SSTR3: variants seen among roughly 807,000 people sequenced by gnomAD.
SSTR3 encodes somatostatin receptor type 3.
For synonymous variants in SSTR3, 281 were observed against 269.2 expected (o/e 1.04, Z -0.43); for missense variants, 504 against 604.7 (o/e 0.83, Z 1.75).
chr22:37,207,148 A>G lies in SSTR3; in HGVS notation c.656T>C (p.Leu219Pro), dbSNP rs1400998403. 3.1e-6 allele frequency: 5 copies of G among 1,612,560 alleles called. No homozygotes were observed. Among genetic ancestry groups the G allele is most frequent in the Non-Finnish European group, 3.4e-6 (4 of 1,179,682 alleles). ...YTAALGFFGP[L>P]LVICLCYLLI... is the part of the protein sequence containing the mutation. ...CAGGTAGCAGAGGCAGATGACCAGC[A>G]GCGGCCCGAAGAAGCCCAGTGCGGC... The change falls in exon 2 of 2, where the codon CTG becomes CCG. Residue 219 changes from leucine to proline, a missense_variant. Transcript: ENST00000610913.
In SSTR3 at chr22:37,207,599, CCA is replaced by C. The variant is rs759658964; in HGVS notation, c.203_204del (p.Val68GlyfsTer281). ...GLLGNSLVIY[V>X]VLRHTASPSV... The stretch of plus-strand genomic sequence containing the variant: ...GAAGGGCTGGCCGTGTGCCGCAGGA[CCA>C]CATAGATGACCAGCGAGTTACCCAG... On this transcript the variant is annotated frameshift_variant, in exon 2 of 2. Coordinates refer to ENST00000610913, the MANE Select transcript of SSTR3 (RefSeq NM_001051.5). LOFTEE classifies it low-confidence loss of function (END_TRUNC). The C allele has an allele frequency of 6.2e-7, 1 of 1,609,896 alleles. No homozygotes were observed. Among genetic ancestry groups the C allele is most frequent in the African/African-American group, 1.3e-5 (1 of 75,006 alleles).
At chr22:37,212,512 TG>T (rs1274397566), upstream of SSTR3, among the ~76,000 whole-genome samples, 1 of 5,978 alleles carries the variant, frequency 1.7e-4, no homozygotes, top group Non-Finnish European at 3.2e-4. Flanking sequence ...AGAGCAGGTG[TG>T]GGGGGTGGGG....
the SSTR3 span, among the ~76,000 whole-genome samples, chr22:37,218,344 G>A: frequency 1.3e-5 from 2 of 152,158 alleles, no homozygotes; most frequent in Non-Finnish European, 2.9e-5. Flanking sequence ...ATCACCTGGG[G>A]TGGGAGTTCG....
upstream of SSTR3, among the ~76,000 whole-genome samples, chr22:37,216,776 A>G (rs181885075): frequency 6.3e-5 from 9 of 143,086 alleles, no homozygotes; most frequent in Non-Finnish European, 1.3e-4. Flanking sequence ...CTCTCATTTT[A>G]TGGGGGCCTT....
rs1020260172 is a variant in SSTR3 at position 37,207,207 on chromosome 22, C to T, written c.597G>A (p.Ala199=). The change falls in exon 2 of 2, where the codon GCG becomes GCA. Residue 199 remains alanine (A), a synonymous_variant. Coordinates refer to ENST00000610913, the MANE Select transcript of SSTR3 (RefSeq NM_001051.5). The part of the protein sequence containing the change: ...STCHMQWPEP[A]AAWRAGFIIY... ...TGATGAAGCCGGCTCGCCAGGCCGC[C>T]GCCGGCTCGGGCCACTGCATGTGGC... 1.9e-5 allele frequency: 30 copies of T among 1,610,302 alleles called. No homozygotes were observed. Among genetic ancestry groups the T allele is most frequent in the Non-Finnish European group, 2.4e-5 (28 of 1,178,842 alleles).
intron 1 of SSTR3, among the ~76,000 whole-genome samples, chr22:37,209,704 T>C (rs942577733): frequency 2.6e-5 from 4 of 152,200 alleles, no homozygotes; most frequent in Admixed American, 1.3e-4. Flanking sequence ...TCACATGTTC[T>C]GGTCACAGCT....
chr22:37,208,292 C>T (rs1450898036), intron 1 of SSTR3, among the ~76,000 whole-genome samples: 2 of 152,224 alleles, frequency 1.3e-5, no homozygotes, highest in Non-Finnish European at 2.9e-5. Flanking sequence ...CCTAGATGAA[C>T]TTCAGAGGAT....
chr22:37,212,537 T>G (rs1926258496), upstream of SSTR3, among the ~76,000 whole-genome samples: 4 of 148,790 alleles, frequency 2.7e-5, no homozygotes, highest in African/African-American at 5.0e-5. Context: ...GGGTGCAGGT[T>G]AAGGGAGGAG....
upstream of SSTR3, among the ~76,000 whole-genome samples, chr22:37,216,534 G>A (rs371562545): frequency 1.4e-4 from 21 of 152,240 alleles, 1 homozygote; most frequent in Admixed American, 1.0e-3. Context: ...ATTTCCACAC[G>A]TTCCTATAGC....
the SSTR3 span, among the ~76,000 whole-genome samples, chr22:37,219,198 G>A: frequency 1.8e-3 from 273 of 152,290 alleles, 3 homozygotes; most frequent in African/African-American, 5.9e-3. Context: ...CTACCCTAGC[G>A]CCTTGAGACG....
upstream of SSTR3, among the ~76,000 whole-genome samples, chr22:37,214,799 C>G (rs75251197): frequency 0.1 from 15,626 of 152,170 alleles, 1,031 homozygotes; most frequent in South Asian, 0.21. Flanking sequence ...ATCCACAGTC[C>G]CGACCGCGGC....
chr22:37,210,266 G>A lies in SSTR3; in HGVS notation c.-37+1559C>T, dbSNP rs553175577. ...ATGCCCCTGGGGTAGCCCGCTGGGG[G>A]TAAGCTCTGAGGTTGCCCCACCCCC... On this transcript the variant is annotated intron_variant, in intron 1 of 1. Transcript: ENST00000610913. 3.1e-3 allele frequency among the ~76,000 whole-genome samples: 466 copies of A among 152,362 alleles called. 3 individuals are homozygous for A. Among genetic ancestry groups the A allele is most frequent in the Admixed American group, 5.9e-3 (90 of 15,312 alleles).
rs1925713397 is a variant in SSTR3, at chr22:37,206,045, G to A, written c.*502C>T. 6.5e-6 allele frequency: 1 copy of A among 154,256 alleles called. No individual in the cohort carries two copies. Among genetic ancestry groups the A allele is most frequent in the African/African-American group, 2.4e-5 (1 of 41,488 alleles). 9.6% of individuals were successfully genotyped at this position (154,256 alleles called of 1,614,324 possible). ...GTCCAAGGCCTCACAGTCGAGGGGA[G>A]GGAGCTGATCTGGGGCCTGACCATT... On this transcript the variant is annotated 3_prime_UTR_variant, in exon 2 of 2. Coordinates refer to ENST00000610913, the MANE Select transcript of SSTR3 (RefSeq NM_001051.5).
At chr22:37,209,361 G>A (rs1405017857) in intron 1 of SSTR3, among the ~76,000 whole-genome samples, 1 of 152,218 alleles carries the variant, frequency 6.6e-6, no homozygotes, top group East Asian at 1.9e-4. Context: ...CTAGGCCGTG[G>A]CTTCTCCAGC....
chr22:37,211,286 C>T (rs1458508971), intron 1 of SSTR3, among the ~76,000 whole-genome samples: 1 of 152,212 alleles, frequency 6.6e-6, no homozygotes, highest in Non-Finnish European at 1.5e-5. Context: ...TGCCGACTGA[C>T]TCACTGGCAC....
upstream of SSTR3, among the ~76,000 whole-genome samples, chr22:37,215,188 A>G (rs964258171): frequency 6.6e-6 from 1 of 152,206 alleles, no homozygotes; most frequent in Non-Finnish European, 1.5e-5. Context: ...TCCGTGGATT[A>G]TAGTGAACCT....
chr22:37,206,547 C>G lies in SSTR3; in HGVS notation c.1257G>C (p.Ter419TyrextTer30). ...KSSTMRISYL* is the reference protein window; with the variant it reads ...KSSTMRISYLY Reference sequence around the variant, plus strand: ...GGCCATCCTGGCTTTCCCCAGGCCCCTACAGGTAGCTGATGCGCATCGTGC... The same window carrying G: ...GGCCATCCTGGCTTTCCCCAGGCCCGTACAGGTAGCTGATGCGCATCGTGC... Residue 419 changes from the stop codon to tyrosine, a stop_lost, in exon 2 of 2, where the codon TAG becomes TAC. Transcript: ENST00000610913. 1 of 1,601,294 alleles carries G rather than the reference C, an allele frequency of 6.2e-7. No individual in the cohort carries two copies. The highest frequency in any genetic ancestry group is 1.3e-5 in the African/African-American group (1 of 74,914).
intron 1 of SSTR3, chr22:37,210,841 GATTT>G: frequency 9.1e-6 from 9 of 985,450 alleles, no homozygotes; most frequent in Non-Finnish European, 1.1e-5. Context: ...GGCCCTGAAT[GATTT>G]ATTTCTTAAC....
Position 37,207,319 on chromosome 22 carries a change from G to T in SSTR3, c.485C>A (p.Thr162Lys). 1.3e-6 allele frequency: 2 copies of T among 1,596,548 alleles called. No individual in the cohort carries two copies. The highest frequency in any genetic ancestry group is 1.7e-6 in the Non-Finnish European group (2 of 1,170,864). The part of the protein sequence containing the change: ...ARWRTAPVAR[T>K]VSAAVWVASA... ...GGCCACCCACACAGCCGCGCTGACC[G>T]TGCGGGCCACCGGAGCTGTGCGCCA... The change falls in exon 2 of 2, where the codon ACG (threonine) becomes AAG (lysine). Residue 162 changes from threonine to lysine, a missense_variant. Thr to Lys is a moderately conservative substitution (Grantham distance 78, BLOSUM62 -1). Transcript: ENST00000610913.
Sources: gnomAD v4.1 joint callset for allele counts (sites outside exome capture counted in the v4.1 genomes callset) on GRCh38, gnomAD v4.1.1 for gene constraint, MANE v1.5 for transcripts, NCBI Gene and HGNC (gene_info 2026-07-23, HGNC 2026-07-21) for gene names.